CEP295: variants seen among roughly 807,000 people sequenced by gnomAD.
CEP295 encodes centrosomal protein of 295 kDa.
A neutral mutation model predicts 291.6 loss-of-function variants in CEP295; 190 were observed. The ratio of observed to expected loss-of-function variants is 0.65; its 90% CI spans 0.58 to 0.73. The LOEUF is 0.73. Among genes scored for constraint, CEP295 ranks in the 30% least tolerant of loss-of-function variants. CEP295 has a pLI of 0.00. For synonymous variants in CEP295, 993 were observed against 1,038.8 expected, an observed-to-expected ratio of 0.96 and a Z score of 0.85; for missense variants, 2,863 against 2,949.4, an observed-to-expected ratio of 0.97 and a Z score of 0.68.
intron 25 of CEP295, 57 bp from the exon 26 acceptor site, chr11:93,729,377 G>C: frequency 8.3e-7 from 1 of 1,211,596 alleles, no homozygotes; most frequent in Non-Finnish European, 1.2e-6. Flanking sequence ...TGACAGCAGA[G>C]CAAGACCCGC....
chr11:93,724,775 G>GAAAC (rs367600187), intron 22 of CEP295, among the ~76,000 whole-genome samples: 1 of 151,702 alleles, frequency 6.6e-6, no homozygotes, highest in Non-Finnish European at 1.5e-5. Flanking sequence ...TTTAAAAAAA[G>GAAAC]AAACAAACAA....
intron 7 of CEP295, among the ~76,000 whole-genome samples, chr11:93,681,012 G>T (rs1050576544): frequency 1.3e-5 from 2 of 152,152 alleles, no homozygotes; most frequent in Non-Finnish European, 2.9e-5. Context: ...CTGAATGTCT[G>T]AATTATTATC....
chr11:93,684,629 G>A (rs894185089), intron 9 of CEP295, among the ~76,000 whole-genome samples: 1 of 152,182 alleles, frequency 6.6e-6, no homozygotes, highest in Non-Finnish European at 1.5e-5. Flanking sequence ...AAGTTGTCAG[G>A]TGGAGATCGT....
At chr11:93,707,853 C>T (rs941732444) in intron 18 of CEP295, among the ~76,000 whole-genome samples, 2 of 151,814 alleles carry the variant, frequency 1.3e-5, no homozygotes, top group Admixed American at 6.6e-5. Flanking sequence ...TACAAGATAC[C>T]TTACTTGTAT....
intron 10 of CEP295, among the ~76,000 whole-genome samples, chr11:93,689,268 A>C (rs1951398027): frequency 6.6e-6 from 1 of 152,076 alleles, no homozygotes; most frequent in Non-Finnish European, 1.5e-5. Flanking sequence ...CTCAGTAAAA[A>C]CCAGAGAGTT....
intron 18 of CEP295, among the ~76,000 whole-genome samples, chr11:93,709,498 A>G (rs1007834487): frequency 2.6e-5 from 4 of 151,982 alleles, no homozygotes; most frequent in Non-Finnish European, 5.9e-5. Context: ...TGTTCCATTG[A>G]TCTGTGTGTG....
At chr11:93,679,693 C>T (rs1950869457) in intron 7 of CEP295, 141 bp downstream of exon 7, 2 of 631,458 alleles carry the variant, frequency 3.2e-6, no homozygotes, top group Non-Finnish European at 4.8e-6. Flanking sequence ...TCAAGTTTCC[C>T]AACTTTCTTT....
Position 93,724,342 on chromosome 11 carries a change from TG to T in CEP295, c.6288del (p.Ile2097PhefsTer34). On this transcript the variant is annotated frameshift_variant, in exon 22 of 30. Transcript: ENST00000325212. LOFTEE classifies it high-confidence loss of function. ...ATTTTGACTTATCATCATCATCCTCTGGGATTTCTCCAGACAACAGAGACTT... is the reference window on the plus strand; with the variant it reads ...ATTTTGACTTATCATCATCATCCTCTGGATTTCTCCAGACAACAGAGACTT... ...PDFDLSSSSS[G>X]ISPDNRDFYQ... 1 of 1,550,398 alleles carries T rather than the reference TG, an allele frequency of 6.4e-7. No homozygotes were observed.
Position 93,723,095 on chromosome 11 carries a change from A to G in CEP295, c.6002A>G (p.Glu2001Gly). Reference protein sequence around the residue: ...DSKQESTTSKEEETNIISSIV... With the variant: ...DSKQESTTSKGEETNIISSIV... ...AAGCAAGAATCTACCACCAGTAAAG[A>G]AGAGGAAACAAATATTATAAGTTCC... The change falls in exon 21 of 30, where the codon GAA (glutamate) becomes GGA (glycine). Residue 2001 changes from glutamate to glycine, a missense_variant. Glu to Gly is a moderately conservative substitution (Grantham distance 98). Coordinates refer to ENST00000325212, the MANE Select transcript of CEP295 (RefSeq NM_033395.2). 1 of 1,551,384 alleles carries G rather than the reference A, an allele frequency of 6.4e-7. No homozygotes were observed. Among genetic ancestry groups the G allele is most frequent in the Non-Finnish European group, 8.7e-7 (1 of 1,146,598 alleles).
At position 93,687,878 on chromosome 11, in the gene CEP295, A is replaced by T; in HGVS notation, c.1336+13A>T. On this transcript the variant is annotated intron_variant, in intron 10 of 29. Transcript: ENST00000325212. ...GGGCAGGAACAAGGTATTTCTCTCC[A>T]AGAGTCTCATTTTCTATAAACCCTT... The T allele has an allele frequency of 1.3e-6, 2 of 1,527,098 alleles. No individual in the cohort carries two copies. Among genetic ancestry groups the T allele is most frequent in the East Asian group, 4.9e-5 (2 of 40,708 alleles). The allele number at this position is 1,527,098 out of a possible 1,614,324, so 94.6% of individuals were successfully genotyped here.
intron 13 of CEP295, 119 bp downstream of exon 13, chr11:93,695,753 G>A: frequency 8.4e-7 from 1 of 1,193,182 alleles, no homozygotes; most frequent in Non-Finnish European, 1.1e-6. Flanking sequence ...GCTCATGCCT[G>A]TAATCTCAGC....
chr11:93,698,277 G>A lies in CEP295; in HGVS notation c.3365G>A (p.Arg1122Lys), dbSNP rs917926634. ...SQASAKAEPRRIQELYLSEKE... is the reference protein window; with the variant it reads ...SQASAKAEPRKIQELYLSEKE... ...GCTTCTGCTAAAGCTGAGCCTAGGA[G>A]AATTCAGGAGCTTTATTTATCTGAG... The change falls in exon 15 of 30, where the codon AGA becomes AAA. Residue 1122 changes from arginine to lysine, a missense_variant. Transcript: ENST00000325212. 10 of 1,551,818 alleles carry A rather than the reference G, an allele frequency of 6.4e-6. No individual in the cohort carries two copies. Among genetic ancestry groups the A allele is most frequent in the Non-Finnish European group, 8.7e-6 (10 of 1,147,012 alleles).
In CEP295 at chr11:93,728,109, C is replaced by CAACTTAT. The variant is rs1290306133; in HGVS notation, c.7161+475_7161+481dup. 1.9e-5 allele frequency: 3 copies of CAACTTAT among 156,372 alleles called. No homozygotes were observed. The East Asian group carries it at 5.7e-4, about 30-fold the overall frequency. The allele number at this position is 156,372 out of a possible 1,614,324, so 9.7% of individuals were successfully genotyped here. ...TTGGAAACCTGCTCCTCATATTAAG[C>CAACTTAT]AACTTATAATCTGCTTGCTTTCAAC... On this transcript the variant is annotated intron_variant, in intron 24 of 29. Transcript: ENST00000325212.
In CEP295 at chr11:93,727,503, C is replaced by T; in HGVS notation, c.7027C>T (p.Gln2343Ter). The change falls in exon 24 of 30, where the codon CAA becomes TAA. Residue 2343 changes from glutamine to a stop codon, truncating the protein, a stop_gained. Transcript: ENST00000325212. LOFTEE classifies it high-confidence loss of function. ...SIQAPYSLTT[Q>*]NEKYFENSAE... is the part of the protein sequence containing the mutation. ...TCAGGCACCATATTCCTTAACTACT[C>T]AAAATGAAAAATATTTTGAGAATTC... The T allele has an allele frequency of 1.3e-6, 2 of 1,551,736 alleles. No individual in the cohort carries two copies. Among genetic ancestry groups the T allele is most frequent in the Non-Finnish European group, 1.7e-6 (2 of 1,146,972 alleles).
intron 20 of CEP295, among the ~76,000 whole-genome samples, 158 bp downstream of exon 20, chr11:93,722,208 C>G (rs1953786880): frequency 6.6e-6 from 1 of 152,164 alleles, no homozygotes; most frequent in East Asian, 1.9e-4. Flanking sequence ...GTGCCTCACG[C>G]CTGTAATCCC....
At position 93,702,615 on chromosome 11, in the gene CEP295, A is replaced by T. The variant is rs1476742900; in HGVS notation, c.5430A>T (p.Glu1810Asp). ...CTGATGATAATCATTTGGCTTCAGA[A>T]GATACTAGTGCCAAGCAAAGTGGTA... ...NNSDDNHLAS[E>D]DTSAKQSGEH... Residue 1810 changes from glutamate (E) to aspartate (D), a missense_variant, in exon 16 of 30, where the codon GAA becomes GAT. Transcript: ENST00000325212. 1.3e-6 allele frequency: 2 copies of T among 1,546,358 alleles called. No individual in the cohort carries two copies. Among genetic ancestry groups the T allele is most frequent in the Admixed American group, 4.0e-5 (2 of 49,848 alleles).
rs747736256 is a variant in CEP295, at chr11:93,699,079, C to T, written c.4167C>T (p.Pro1389=). 8.4e-6 allele frequency: 13 copies of T among 1,546,582 alleles called. No individual in the cohort carries two copies. Among genetic ancestry groups the T allele is most frequent in the Admixed American group, 5.9e-5 (3 of 50,980 alleles). The stretch of plus-strand genomic sequence containing the variant: ...GTGAATGGGAGGGAAGAATATCTCC[C>T]GAGCAGGTTGACACCTCTTCCTTAC... ...HQSEWEGRIS[P]EQVDTSSLPL... Residue 1389 remains proline (P), a synonymous_variant, in exon 15 of 30, where the codon CCC becomes CCT. Coordinates refer to ENST00000325212, the MANE Select transcript of CEP295 (RefSeq NM_033395.2).
At position 93,727,370 on chromosome 11, in the gene CEP295, CAT is replaced by C. The variant is rs1156880021; in HGVS notation, c.6895_6896del (p.Ile2299Ter). 6.4e-7 allele frequency: 1 copy of C among 1,551,260 alleles called. No homozygotes were observed. Among genetic ancestry groups the C allele is most frequent in the East Asian group, 2.4e-5 (1 of 40,898 alleles). ...TTACAATGTTACAAAGTCAAGGACTCATTGAAGATAATAAAAATGAAACCTGT... is the reference window on the plus strand; with the variant it reads ...TTACAATGTTACAAAGTCAAGGACTCTGAAGATAATAAAAATGAAACCTGT... ...VVTMLQSQGL[I>X]EDNKNETCRV... is the part of the protein sequence containing the mutation. On this transcript the variant is annotated frameshift_variant, in exon 24 of 30. Transcript: ENST00000325212. LOFTEE classifies it high-confidence loss of function.
In CEP295 at chr11:93,699,404, A is replaced by G; in HGVS notation, c.4492A>G (p.Ile1498Val). The G allele has an allele frequency of 1.3e-6, 2 of 1,551,806 alleles. No homozygotes were observed. Among genetic ancestry groups the G allele is most frequent in the Non-Finnish European group, 1.7e-6 (2 of 1,146,998 alleles). Residue 1498 changes from isoleucine (I) to valine (V), a missense_variant, in exon 15 of 30, where the codon ATC becomes GTC. Around this residue, in one of 3 missense-constraint regions of CEP295, gnomAD observed 2,295 missense variants for 2,335.7 expected, o/e 0.98. Transcript: ENST00000325212. ...GGAAAAGGTATCTTCTGAGCATTTT[A>G]TCCAGTCTCACCATGGTGATTTGCA... Reference protein sequence around the residue: ...FEEKVSSEHFIQSHHGDLQAL... With the variant: ...FEEKVSSEHFVQSHHGDLQAL...
Sources: gnomAD v4.1 joint callset for allele counts (sites outside exome capture counted in the v4.1 genomes callset) on GRCh38, gnomAD v4.1.1 for gene constraint, gnomAD v4.1.1 regional missense constraint, MANE v1.5 for transcripts, NCBI Gene and HGNC (gene_info 2026-07-23, HGNC 2026-07-21) for gene names.